NBEA: variants seen among roughly 807,000 people sequenced by gnomAD.
NBEA encodes the protein lysosomal-trafficking regulator 2.
Under a neutral mutation model 343.4 loss-of-function variants are expected in NBEA, and 44 were observed. The ratio of observed to expected loss-of-function variants is 0.13; its 90% CI spans 0.10 to 0.16. The LOEUF is 0.16. NBEA is among the 10% of genes least tolerant of loss of function. NBEA has a pLI of 1.00. For missense variants in NBEA, 2,555 were observed against 3,631.3 expected (o/e 0.70, Z 7.62); for synonymous variants, 1,175 against 1,238.7 (o/e 0.95, Z 1.08).
intron 51 of NBEA, among the ~76,000 whole-genome samples, chr13:35,648,494 A>G (rs1408374218): frequency 1.3e-5 from 2 of 152,166 alleles, no homozygotes; most frequent in African/African-American, 4.8e-5. Flanking sequence ...TTTAATAATA[A>G]TAATAAAAAT....
At chr13:35,510,994 A>G (rs576664351) in intron 41 of NBEA, among the ~76,000 whole-genome samples, 16 of 152,186 alleles carry the variant, frequency 1.1e-4, no homozygotes, top group Non-Finnish European at 2.2e-4. Context: ...TTCAGATAAC[A>G]TAATAATAAG....
chr13:35,147,483 A>T (rs1212038928), intron 18 of NBEA, among the ~76,000 whole-genome samples: 1 of 152,096 alleles, frequency 6.6e-6, no homozygotes, highest in East Asian at 1.9e-4. Context: ...AGGAAACACC[A>T]CTGCAGGTGA....
intron 38 of NBEA, among the ~76,000 whole-genome samples, chr13:35,428,855 T>G (rs1358817588): frequency 1.3e-5 from 2 of 152,206 alleles, no homozygotes; most frequent in African/African-American, 4.8e-5. Context: ...TTAGACTTCC[T>G]GTAACATTGC....
intron 25 of NBEA, among the ~76,000 whole-genome samples, chr13:35,169,681 AT>A (rs2152721158): frequency 6.6e-6 from 1 of 151,850 alleles, no homozygotes; most frequent in South Asian, 2.1e-4. Context: ...TTGAAAAATT[AT>A]TTATAGTATT....
intron 36 of NBEA, among the ~76,000 whole-genome samples, chr13:35,313,291 T>G (rs2037493181): frequency 6.6e-6 from 1 of 152,196 alleles, no homozygotes; most frequent in South Asian, 2.1e-4. Flanking sequence ...TCTGTTTGCT[T>G]GTTTACATCT....
intron 20 of NBEA, among the ~76,000 whole-genome samples, chr13:35,156,574 A>G (rs1202558381): frequency 6.6e-6 from 1 of 152,076 alleles, no homozygotes; most frequent in Non-Finnish European, 1.5e-5. Flanking sequence ...CTTATGGCCG[A>G]ATGTTGTGCA....
At chr13:35,096,932 A>T (rs1174132570) in intron 10 of NBEA, among the ~76,000 whole-genome samples, 2 of 151,946 alleles carry the variant, frequency 1.3e-5, no homozygotes, top group African/African-American at 4.8e-5. Flanking sequence ...AGGACAAAGT[A>T]AAAGAATATC....
chr13:35,419,929 C>T (rs1327062535), intron 38 of NBEA, among the ~76,000 whole-genome samples: 1 of 152,032 alleles, frequency 6.6e-6, no homozygotes, highest in Non-Finnish European at 1.5e-5. Context: ...CACATATTCA[C>T]TGCTAGTATA....
At chr13:35,269,960 T>C (rs552350610) in intron 34 of NBEA, among the ~76,000 whole-genome samples, 84 of 152,300 alleles carry the variant, frequency 5.5e-4, no homozygotes, top group African/African-American at 1.9e-3. Flanking sequence ...GAAATGTAAA[T>C]GGAATTTTCT....
chr13:35,010,677 A>T (rs1260703736), intron 1 of NBEA, among the ~76,000 whole-genome samples: 9 of 138,760 alleles, frequency 6.5e-5, no homozygotes, highest in Non-Finnish European at 3.1e-5. Context: ...TGAGTCCGGG[A>T]ATGGGAATTC....
At chr13:35,163,757 G>C (rs17051899) in intron 23 of NBEA, among the ~76,000 whole-genome samples, 4,315 of 151,898 alleles carry the variant, frequency 0.028, 94 homozygotes, top group South Asian at 0.075. Flanking sequence ...TATTAAATAA[G>C]TTCTTGAATT....
chr13:35,662,290 C>T (rs1398405283), intron 55 of NBEA, among the ~76,000 whole-genome samples: 3 of 152,152 alleles, frequency 2.0e-5, no homozygotes, highest in African/African-American at 4.8e-5. Flanking sequence ...TTCCAGCACA[C>T]GGTGAGTGCT....
At chr13:35,387,058 A>G (rs1350791898) in intron 38 of NBEA, among the ~76,000 whole-genome samples, 2 of 152,150 alleles carry the variant, frequency 1.3e-5, no homozygotes, top group East Asian at 3.8e-4. Flanking sequence ...AGATTGGTTT[A>G]TAAGACTAAG....
chr13:34,960,383 TAA>T (rs1462439596), intron 1 of NBEA, among the ~76,000 whole-genome samples: 3 of 152,128 alleles, frequency 2.0e-5, no homozygotes, highest in Non-Finnish European at 4.4e-5. Context: ...TATAGTAAGC[TAA>T]GTTTACTTTA....
chr13:35,549,752 C>T (rs2079224155), intron 41 of NBEA, among the ~76,000 whole-genome samples: 1 of 152,130 alleles, frequency 6.6e-6, no homozygotes, highest in Non-Finnish European at 1.5e-5. Flanking sequence ...TCTCATTAAC[C>T]AGTGCTTGGC....
intron 14 of NBEA, among the ~76,000 whole-genome samples, 169 bp from the exon 15 acceptor site, chr13:35,118,054 TACTTA>T (rs1051749054): frequency 4.6e-5 from 7 of 152,144 alleles, no homozygotes; most frequent in East Asian, 1.9e-4. Context: ...TCTAAATATT[TACTTA>T]ACTTGAAATA....
At chr13:35,608,534 T>C (rs1388147017) in intron 48 of NBEA, among the ~76,000 whole-genome samples, 1 of 152,182 alleles carries the variant, frequency 6.6e-6, no homozygotes, top group African/African-American at 2.4e-5. Context: ...CATCATTCCA[T>C]TGTAGCTCCA....
intron 34 of NBEA, among the ~76,000 whole-genome samples, chr13:35,268,622 T>G (rs1404706997): frequency 6.6e-6 from 1 of 152,066 alleles, no homozygotes; most frequent in East Asian, 1.9e-4. Flanking sequence ...CATGCAGCCC[T>G]GTTGCAAAAA....
intron 33 of NBEA, among the ~76,000 whole-genome samples, chr13:35,216,776 C>G (rs1040147300): frequency 6.6e-6 from 1 of 151,782 alleles, no homozygotes; most frequent in African/African-American, 2.4e-5. Context: ...TTCTATGGTA[C>G]GGATGACAGT....
Sources: allele counts gnomAD v4.1 joint callset (sites outside exome capture counted in the v4.1 genomes callset), GRCh38; gene constraint gnomAD v4.1.1; transcripts MANE v1.5; gene names NCBI Gene and HGNC (gene_info 2026-07-23, HGNC 2026-07-21).